UBE2U: variants seen among roughly 807,000 people sequenced by gnomAD.
UBE2U encodes ubiquitin-conjugating enzyme E2 U.
A neutral mutation model predicts 41.2 loss-of-function variants in UBE2U; 39 were observed. The observed-to-expected ratio is 0.95, with a 90% CI of 0.73 to 1.24. The LOEUF (loss-of-function observed/expected upper bound fraction) is 1.24. Ranked by LOEUF, UBE2U falls within the 50% of genes most tolerant of loss-of-function variation. The probability of loss-of-function intolerance (pLI) is 0.00; values close to 1 mark genes in which losing one functional copy is unlikely to be tolerated. For synonymous variants in UBE2U, 107 were observed against 117.8 expected, an observed-to-expected ratio of 0.91 and a Z score of 0.60; for missense variants, 336 against 363.1, an observed-to-expected ratio of 0.93 and a Z score of 0.61.
chr1:64,225,118 A>G (rs1652779835), intron 6 of UBE2U, among the ~76,000 whole-genome samples: 2 of 152,312 alleles, frequency 1.3e-5, no homozygotes, highest in South Asian at 4.1e-4. Flanking sequence ...ATTACTATGA[A>G]GATTAAATGA....
intron 3 of UBE2U, among the ~76,000 whole-genome samples, chr1:64,207,253 C>T (rs1569941243): frequency 6.6e-6 from 1 of 152,048 alleles, no homozygotes; most frequent in African/African-American, 2.4e-5. Flanking sequence ...CAGGTTCAAT[C>T]GATTCTCCTG....
chr1:64,233,011 CT>C (rs749876501), intron 7 of UBE2U, among the ~76,000 whole-genome samples: 2,954 of 139,704 alleles, frequency 0.021, 105 homozygotes, highest in African/African-American at 0.071. Flanking sequence ...TTTATTTTTA[CT>C]TTTTTTTTTT....
intron 9 of UBE2U, among the ~76,000 whole-genome samples, chr1:64,266,507 G>T (rs1266890939): frequency 6.6e-6 from 1 of 152,172 alleles, no homozygotes; most frequent in East Asian, 1.9e-4. Flanking sequence ...TAATATTATA[G>T]CTGTCGACGG....
intron 5 of UBE2U, among the ~76,000 whole-genome samples, 166 bp from the exon 6 acceptor site, chr1:64,220,693 T>C (rs1346812646): frequency 1.3e-5 from 2 of 152,194 alleles, no homozygotes; most frequent in Non-Finnish European, 2.9e-5. Flanking sequence ...ATCTGCTTTC[T>C]ATCTTGAAAA....
chr1:64,265,148 A>G (rs1448830036), intron 9 of UBE2U, among the ~76,000 whole-genome samples: 1 of 152,026 alleles, frequency 6.6e-6, no homozygotes, highest in Non-Finnish European at 1.5e-5. Flanking sequence ...CTCTCTTGCT[A>G]TGCACCTGAA....
chr1:64,227,215 G>A (rs533914797), intron 6 of UBE2U, among the ~76,000 whole-genome samples: 2 of 152,226 alleles, frequency 1.3e-5, no homozygotes, highest in African/African-American at 4.8e-5. Context: ...TTGGAATAAG[G>A]TAAGTATGTC....
chr1:64,242,351 T>G (rs865969632), intron 8 of UBE2U, among the ~76,000 whole-genome samples: 2 of 152,156 alleles, frequency 1.3e-5, no homozygotes, highest in African/African-American at 4.8e-5. Flanking sequence ...TTCAGTTCTG[T>G]GGTATTGGCT....
At chr1:64,239,137 A>AGAGGAAGAGGAAGAGGAGGAGGAAGAG (rs1557730468) in intron 7 of UBE2U, among the ~76,000 whole-genome samples, 1 of 28,454 alleles carries the variant, frequency 3.5e-5, no homozygotes, top group Admixed American at 4.2e-4. Context: ...AAGAAGAAGA[A>AGAGGAAGAGGAAGAGGAGGAGGAAGAG]GAAGAAGAAG....
chr1:64,205,672 A>G lies in UBE2U; in HGVS notation c.100A>G (p.Met34Val). ...TGCTAAGCCTGTAAGTGAAGATATG[A>G]TGGAATGGGAAGTTGAAATTGAAGG... ...ITAKPVSEDM[M>V]EWEVEIEGLQ... The change falls in exon 2 of 10, where the codon ATG becomes GTG. Residue 34 changes from methionine (M) to valine (V), a missense_variant. By Grantham distance (21) the Met-to-Val change is conservative (BLOSUM62 1). Coordinates refer to ENST00000371077, the MANE Select transcript of UBE2U (RefSeq NM_001366232.2). 6.2e-7 allele frequency: 1 copy of G among 1,613,308 alleles called. No homozygotes were observed. The highest frequency in any genetic ancestry group is 1.1e-5 in the South Asian group (1 of 90,980).
rs139887828 is a variant in UBE2U at position 64,220,894 on chromosome 1, C to T, written c.493C>T (p.Arg165Cys). The part of the protein sequence containing the change: ...DDSQELPKDP[R>C]KCIRPIKTTS... ...CAGCCAGGAGTTACCTAAAGACCCA[C>T]GTAAATGTATCAGGTAAGTTTTTCT... The change falls in exon 6 of 10, where the codon CGT (arginine) becomes TGT (cysteine). Residue 165 changes from arginine (R) to cysteine (C), a missense_variant. Arg to Cys is a radical substitution (Grantham distance 180). Transcript: ENST00000371077. The T allele has an allele frequency of 1.5e-3, 2,422 of 1,604,042 alleles. 30 individuals carry two copies. The African/African-American group carries it at 0.029, about 19-fold the overall frequency.
intron 7 of UBE2U, among the ~76,000 whole-genome samples, chr1:64,240,822 C>T (rs1426990601): frequency 9.2e-5 from 14 of 151,998 alleles, no homozygotes; most frequent in East Asian, 3.9e-4. Context: ...AGTGCAGTGG[C>T]GCAATCTCAG....
chr1:64,219,851 G>T (rs980108684), intron 5 of UBE2U, among the ~76,000 whole-genome samples: 3 of 152,074 alleles, frequency 2.0e-5, no homozygotes, highest in African/African-American at 7.2e-5. Flanking sequence ...GCCTGCCTTG[G>T]CCTCCCAAAG....
At chr1:64,241,782 A>G (rs748733563) in intron 8 of UBE2U, 49 bp downstream of exon 8, 28 of 1,411,412 alleles carry the variant, frequency 2.0e-5, no homozygotes, top group Non-Finnish European at 2.6e-5. Context: ...TGAATTGTCT[A>G]TTATTCCACT....
At chr1:64,223,656 T>C (rs1652650341) in intron 6 of UBE2U, among the ~76,000 whole-genome samples, 1 of 152,186 alleles carries the variant, frequency 6.6e-6, no homozygotes, top group South Asian at 2.1e-4. Flanking sequence ...AAATATAATA[T>C]AGTAAGTGCT....
intron 6 of UBE2U, among the ~76,000 whole-genome samples, chr1:64,223,128 A>G (rs1423625935): frequency 2.0e-5 from 3 of 152,210 alleles, no homozygotes; most frequent in South Asian, 2.1e-4. Context: ...TTCACTGAGC[A>G]TATGTTGTAT....
At chr1:64,209,428 G>A (rs556099700) in intron 3 of UBE2U, among the ~76,000 whole-genome samples, 4 of 152,258 alleles carry the variant, frequency 2.6e-5, no homozygotes, top group African/African-American at 7.2e-5. Context: ...CTCTCCTTCT[G>A]ACCATACTGG....
intron 8 of UBE2U, among the ~76,000 whole-genome samples, chr1:64,259,621 G>A (rs751424044): frequency 3.3e-5 from 5 of 151,658 alleles, no homozygotes; most frequent in Non-Finnish European, 5.9e-5. Context: ...ACATTTCTAT[G>A]CCACCTACTT....
chr1:64,239,144 GA>G (rs1160221684), intron 7 of UBE2U, among the ~76,000 whole-genome samples: 610 of 27,784 alleles, frequency 0.022, 36 homozygotes, highest in African/African-American at 0.081. Context: ...AGAAGAAGAA[GA>G]AGAAGAAGAA....
chr1:64,242,283 G>T (rs1252984019), intron 8 of UBE2U, among the ~76,000 whole-genome samples: 1 of 152,004 alleles, frequency 6.6e-6, no homozygotes. Flanking sequence ...CTCATCTTTG[G>T]TCTTTTGACC....
Sources: gnomAD v4.1 joint callset for allele counts (sites outside exome capture counted in the v4.1 genomes callset) on GRCh38, gnomAD v4.1.1 for gene constraint, MANE v1.5 for transcripts, NCBI Gene and HGNC (gene_info 2026-07-23, HGNC 2026-07-21) for gene names.